The following PHIP variants were observed in gnomAD, a reference collection of about 807,000 sequenced individuals.
PHIP encodes the protein PHIP subunit of CUL4-Ring ligase complex.
Under a neutral mutation model 236.8 loss-of-function variants are expected in PHIP, and 54 were observed. The observed-to-expected ratio is 0.23, with a 90% CI of 0.18 to 0.29. The LOEUF (loss-of-function observed/expected upper bound fraction) is 0.29. Among genes scored for constraint, PHIP ranks in the 10% least tolerant of loss-of-function variants. PHIP has a pLI of 1.00. For missense variants in PHIP, 1,370 were observed against 2,190.8 expected, an observed-to-expected ratio of 0.63 and a Z score of 7.48; for synonymous variants, 756 against 718.9, an observed-to-expected ratio of 1.05 and a Z score of -0.83.
chr6:78,985,368 T>C lies in PHIP; in HGVS notation c.2521A>G (p.Ser841Gly). The C allele has an allele frequency of 6.3e-7, 1 of 1,588,152 alleles. No individual in the cohort carries two copies. The highest frequency in any genetic ancestry group is 8.6e-7 in the Non-Finnish European group (1 of 1,156,400). Residue 841 changes from serine (S) to glycine (G), a missense_variant, in exon 22 of 40, where the codon AGT becomes GGT. Around this residue, in one of 14 missense-constraint regions of PHIP, gnomAD observed 99 missense variants for 110.0 expected, o/e 0.90. Coordinates refer to ENST00000275034, the MANE Select transcript of PHIP (RefSeq NM_017934.7). ...TTCATTTACCTAGAACTGCCATCAC[T>C]GTGCCATGCTCTCTCTTCTTCTTCG... ...TSEEEERAWHSDGSSSDYSSD... is the reference protein window; with the variant it reads ...TSEEEERAWHGDGSSSDYSSD...
At chr6:78,999,256 T>G (rs928164291) in intron 17 of PHIP, among the ~76,000 whole-genome samples, 1 of 152,158 alleles carries the variant, frequency 6.6e-6, no homozygotes, top group East Asian at 1.9e-4. Context: ...AACACCTTCA[T>G]GCACTGAAAC....
At chr6:79,035,078 T>C in intron 7 of PHIP, among the ~76,000 whole-genome samples, 1 of 152,100 alleles carries the variant, frequency 6.6e-6, no homozygotes, top group Non-Finnish European at 1.5e-5. Flanking sequence ...CTAACTACCC[T>C]AGAATTTGCA....
rs1236210334 is a variant in PHIP at position 78,935,560 on chromosome 6, G to T, written c.*5133C>A. The T allele has an allele frequency of 3.1e-6, 3 of 966,114 alleles. No individual in the cohort carries two copies. The East Asian group carries it at 3.4e-4, about 111-fold the overall frequency. 59.8% of individuals were successfully genotyped at this position (966,114 alleles called of 1,614,324 possible). A position where few individuals can be genotyped will look rare whatever the true frequency, so the allele number is the denominator to read the frequency against. On this transcript the variant is annotated 3_prime_UTR_variant, in exon 40 of 40. Coordinates refer to ENST00000275034, the MANE Select transcript of PHIP (RefSeq NM_017934.7). The stretch of plus-strand genomic sequence containing the variant: ...AGTGAAGTATTTATCACTCATCACA[G>T]TAACTTACGGTAAGAAATCAATAAA...
At chr6:79,027,540 T>C (rs1418778844) in intron 7 of PHIP, among the ~76,000 whole-genome samples, 1 of 152,200 alleles carries the variant, frequency 6.6e-6, no homozygotes, top group Non-Finnish European at 1.5e-5. Flanking sequence ...GTCTTGTGAC[T>C]ATGTGACAAC....
intron 4 of PHIP, among the ~76,000 whole-genome samples, chr6:79,066,748 C>T (rs1034915311): frequency 6.6e-6 from 1 of 152,286 alleles, no homozygotes. Flanking sequence ...GATTATACTG[C>T]TCTAAACCCT....
intron 35 of PHIP, among the ~76,000 whole-genome samples, chr6:78,950,411 T>C (rs1774077349): frequency 6.6e-6 from 1 of 152,208 alleles, no homozygotes; most frequent in Non-Finnish European, 1.5e-5. Context: ...GAAGAGATTG[T>C]GTAGAATTTG....
intron 16 of PHIP, among the ~76,000 whole-genome samples, chr6:79,002,682 A>C (rs1026541405): frequency 6.6e-6 from 1 of 152,118 alleles, no homozygotes; most frequent in Non-Finnish European, 1.5e-5. Context: ...GGATAAGAGG[A>C]GGCTACTGTG....
intron 31 of PHIP, among the ~76,000 whole-genome samples, chr6:78,961,447 C>A (rs958473421): frequency 6.6e-6 from 1 of 152,000 alleles, no homozygotes; most frequent in South Asian, 2.1e-4. Flanking sequence ...TATCTAGGAT[C>A]TAGGAATTGT....
chr6:78,952,372 T>C lies in PHIP; in HGVS notation c.4053+2442A>G, dbSNP rs558948731. On this transcript the variant is annotated intron_variant, in intron 35 of 39. Transcript: ENST00000275034. ...AGGCAGAGTTTGTAGTGAGCCGAGA[T>C]TGAGCCACTGCACTCCAGCCTGGAG... Among the ~76,000 whole-genome samples, 201 of 148,946 alleles carry C rather than the reference T, an allele frequency of 1.3e-3. 2 individuals carry two copies. In the Middle Eastern group the frequency reaches 0.036, roughly 26 times the overall value.
chr6:78,958,618 T>C lies in PHIP; in HGVS notation c.3657-18A>G, dbSNP rs148507123. ...AAACCCGCCTTAAAAAAACAAAATATAGAAGTTTTAACTTCCTTATATTTA... is the reference window on the plus strand; with the variant it reads ...AAACCCGCCTTAAAAAAACAAAATACAGAAGTTTTAACTTCCTTATATTTA... On this transcript the variant is annotated intron_variant, in intron 31 of 39. Coordinates refer to ENST00000275034, the MANE Select transcript of PHIP (RefSeq NM_017934.7). 2.2e-5 allele frequency: 32 copies of C among 1,478,518 alleles called. No homozygotes were observed. The highest frequency in any genetic ancestry group is 1.8e-4 in the South Asian group (15 of 84,766). The allele number at this position is 1,478,518 out of a possible 1,614,324, so 91.6% of individuals were successfully genotyped here.
intron 4 of PHIP, among the ~76,000 whole-genome samples, chr6:79,074,371 A>T (rs2127782053): frequency 6.6e-6 from 1 of 151,272 alleles, no homozygotes; most frequent in African/African-American, 2.5e-5. Flanking sequence ...AATCATCATT[A>T]AGTGACAACT....
intron 31 of PHIP, among the ~76,000 whole-genome samples, 187 bp downstream of exon 31, chr6:78,961,503 G>A (rs1470825918): frequency 1.3e-5 from 2 of 152,174 alleles, no homozygotes; most frequent in African/African-American, 2.4e-5. Flanking sequence ...ACTGGGACTT[G>A]TTAGAAATGC....
Position 79,043,269 on chromosome 6 carries a change from A to G in PHIP, c.440-266T>C, listed in dbSNP as rs77673359. Among the ~76,000 whole-genome samples the G allele has an allele frequency of 0.055, 8,273 of 150,560 alleles. 328 individuals carry two copies. The highest frequency in any genetic ancestry group is 0.085 in the Non-Finnish European group (5,675 of 66,798). On this transcript the variant is annotated intron_variant, in intron 6 of 39. Transcript: ENST00000275034. ...CCAAAAATCACAAAGTAAGGCATGAAGCTAGGATTAAAGCTCAGATTTATT... is the reference window on the plus strand; with the variant it reads ...CCAAAAATCACAAAGTAAGGCATGAGGCTAGGATTAAAGCTCAGATTTATT...
intron 21 of PHIP, among the ~76,000 whole-genome samples, chr6:78,986,324 T>C (rs1377872157): frequency 2.0e-5 from 3 of 152,194 alleles, no homozygotes; most frequent in African/African-American, 7.2e-5. Flanking sequence ...TAAAATTGGG[T>C]TTTTTGATGG....
At chr6:78,945,968 CAT>C (rs1467975506) in intron 38 of PHIP, 31 bp downstream of exon 38, 5 of 1,495,430 alleles carry the variant, frequency 3.3e-6, no homozygotes, top group Non-Finnish European at 3.7e-6. Flanking sequence ...AGAAAATCAT[CAT>C]ATACATTTCA....
chr6:78,993,391 T>C (rs183622822), intron 19 of PHIP, among the ~76,000 whole-genome samples: 76 of 152,308 alleles, frequency 5.0e-4, no homozygotes, highest in Admixed American at 4.0e-3. Context: ...CAAACAGCCA[T>C]CTAAATGGAA....
chr6:78,964,561 C>T (rs530191576), intron 29 of PHIP, among the ~76,000 whole-genome samples: 3 of 152,238 alleles, frequency 2.0e-5, no homozygotes, highest in South Asian at 2.1e-4. Flanking sequence ...GGTGCAATCT[C>T]GGCTCACTGC....
chr6:78,935,039 T>C lies in PHIP; in HGVS notation c.*5654A>G, dbSNP rs1385744874. Reference sequence around the variant, plus strand: ...GGTTTTGTGCTTTGGTCTTTAATCTTACTTCCGTTAAATACTGGGGAATCC... The same window carrying C: ...GGTTTTGTGCTTTGGTCTTTAATCTCACTTCCGTTAAATACTGGGGAATCC... On this transcript the variant is annotated 3_prime_UTR_variant, in exon 40 of 40. Coordinates refer to ENST00000275034, the MANE Select transcript of PHIP (RefSeq NM_017934.7). Among the ~76,000 whole-genome samples, 1 of 152,204 alleles carries C rather than the reference T, an allele frequency of 6.6e-6. No individual in the cohort carries two copies. The highest frequency in any genetic ancestry group is 1.5e-5 in the Non-Finnish European group (1 of 68,026).
At chr6:78,977,480 C>T (rs1582153656) in intron 24 of PHIP, among the ~76,000 whole-genome samples, 1 of 152,190 alleles carries the variant, frequency 6.6e-6, no homozygotes, top group South Asian at 2.1e-4. Context: ...ACGTATGTAA[C>T]TAACCTGCAC....
Sources: allele counts gnomAD v4.1 joint callset (sites outside exome capture counted in the v4.1 genomes callset), GRCh38; gene constraint gnomAD v4.1.1; regional missense constraint gnomAD v4.1.1; transcripts MANE v1.5; gene names NCBI Gene and HGNC (gene_info 2026-07-23, HGNC 2026-07-21).